Variants in FRK observed in about 807,000 individuals in gnomAD.
FRK encodes the protein fyn related Src family tyrosine kinase.
In FRK, 51 loss-of-function variants were observed where a neutral mutation model predicts 56.4. The ratio of observed to expected loss-of-function variants is 0.90; its 90% CI spans 0.72 to 1.14. FRK has a LOEUF of 1.14. Ranked by LOEUF, FRK falls within the 50% of genes most tolerant of loss-of-function variation. The probability of loss-of-function intolerance (pLI) is 0.00; values close to 1 mark genes in which losing one functional copy is unlikely to be tolerated. For synonymous variants in FRK, 245 were observed against 217.9 expected, an observed-to-expected ratio of 1.12 and a Z score of -1.10; for missense variants, 570 against 601.4, an observed-to-expected ratio of 0.95 and a Z score of 0.55.
intron 1 of FRK, among the ~76,000 whole-genome samples, chr6:116,012,484 G>A (rs1371890575): frequency 2.6e-5 from 4 of 152,274 alleles, no homozygotes; most frequent in Non-Finnish European, 4.4e-5. Context: ...AAAAGCTAGC[G>A]ATGCATTTTA....
intron 1 of FRK, among the ~76,000 whole-genome samples, chr6:116,042,090 G>A (rs1283854982): frequency 6.6e-6 from 1 of 152,210 alleles, no homozygotes. Flanking sequence ...ACTGAGGCTT[G>A]AGTAGGCGGT....
intron 2 of FRK, among the ~76,000 whole-genome samples, chr6:115,993,226 G>A (rs1360151663): frequency 6.6e-6 from 1 of 151,762 alleles, no homozygotes; most frequent in African/African-American, 2.4e-5. Context: ...GTAATTTTAG[G>A]TGGAAGTATG....
chr6:116,015,147 C>A (rs917447689), intron 1 of FRK, among the ~76,000 whole-genome samples: 1 of 152,140 alleles, frequency 6.6e-6, no homozygotes, highest in African/African-American at 2.4e-5. Context: ...CCACCCAAAT[C>A]TCTCTCTAAT....
intron 1 of FRK, among the ~76,000 whole-genome samples, chr6:116,008,305 A>G (rs1025159337): frequency 1.3e-5 from 2 of 152,192 alleles, no homozygotes; most frequent in Admixed American, 6.5e-5. Context: ...GGACTTTTGT[A>G]TAATAGATTG....
In FRK at chr6:115,944,289, A is replaced by G. The variant is rs1433166904; in HGVS notation, c.1095T>C (p.His365=). The change falls in exon 6 of 8, where the codon CAT becomes CAC. Residue 365 remains histidine, a synonymous_variant. Coordinates refer to ENST00000606080, the MANE Select transcript of FRK (RefSeq NM_002031.3). The part of the protein sequence containing the change: ...LAARNVLVGE[H]NIYKVADFGL... ...CAAAATCTGCTACTTTGTAGATATT[A>G]TGTTCACCAACGAGGACATTTCTGG... 1.2e-6 allele frequency: 2 copies of G among 1,612,778 alleles called. No homozygotes were observed. The highest frequency in any genetic ancestry group is 1.7e-5 in the Admixed American group (1 of 59,848).
intron 4 of FRK, among the ~76,000 whole-genome samples, chr6:115,957,556 C>G (rs1773051608): frequency 6.6e-6 from 1 of 152,198 alleles, no homozygotes; most frequent in Admixed American, 6.5e-5. Flanking sequence ...CATTCATCAT[C>G]CTCTCGATGT....
At chr6:116,038,991 C>T in intron 1 of FRK, 1 of 718,658 alleles carries the variant, frequency 1.4e-6, no homozygotes, top group South Asian at 1.4e-5. Flanking sequence ...GGAGATCAGC[C>T]CTGGCATGAT....
chr6:115,998,033 G>T (rs1347174241), intron 2 of FRK, among the ~76,000 whole-genome samples: 5 of 152,176 alleles, frequency 3.3e-5, no homozygotes, highest in African/African-American at 1.2e-4. Flanking sequence ...CCCAGTCCTT[G>T]GGCGACTCCC....
intron 1 of FRK, among the ~76,000 whole-genome samples, chr6:116,026,560 AAGG>A (rs1776098522): frequency 2.0e-5 from 3 of 150,304 alleles, no homozygotes; most frequent in East Asian, 3.9e-4. Context: ...GGAAGGAAGG[AAGG>A]AAGGAAGGAA....
chr6:115,992,003 C>T (rs1337332320), intron 2 of FRK, among the ~76,000 whole-genome samples: 3 of 151,426 alleles, frequency 2.0e-5, no homozygotes, highest in Admixed American at 2.0e-4. Context: ...TTTTATTTCC[C>T]AGTCATAATG....
At chr6:116,086,690 A>C in the FRK span, among the ~76,000 whole-genome samples, 1 of 152,236 alleles carries the variant, frequency 6.6e-6, no homozygotes, top group African/African-American at 2.4e-5. Flanking sequence ...TGGGATTCAG[A>C]GTTTCAGTGA....
At chr6:115,993,442 C>A (rs573826890) in intron 2 of FRK, among the ~76,000 whole-genome samples, 3 of 151,212 alleles carry the variant, frequency 2.0e-5, no homozygotes, top group Non-Finnish European at 4.4e-5. Context: ...TTTCATTTTT[C>A]CTTGATATTA....
At chr6:116,021,282 A>G (rs761030725) in intron 1 of FRK, among the ~76,000 whole-genome samples, 4 of 152,078 alleles carry the variant, frequency 2.6e-5, no homozygotes, top group Non-Finnish European at 5.9e-5. Flanking sequence ...GTCACAAAAT[A>G]TAAGCTTCCT....
rs1024216961 is a variant in FRK at position 115,940,373 on chromosome 6, A to G, written c.*2041T>C. The G allele has an allele frequency of 1.2e-4, 19 of 152,362 alleles. No homozygotes were observed. Among genetic ancestry groups the G allele is most frequent in the African/African-American group, 4.1e-4 (17 of 41,584 alleles). The allele number at this position is 152,362 out of a possible 1,614,324, so 9.4% of individuals were successfully genotyped here. A position where few individuals can be genotyped will look rare whatever the true frequency, so the allele number is the denominator to read the frequency against. On this transcript the variant is annotated 3_prime_UTR_variant, in exon 8 of 8. Transcript: ENST00000606080. ...AAATGTAAGACCTAAAACCATAAAA[A>G]CCCTAGAAGAAAACCTAGGCAACAC...
intron 1 of FRK, chr6:116,038,761 G>C: frequency 2.1e-6 from 1 of 487,734 alleles, no homozygotes; most frequent in Non-Finnish European, 4.2e-6. Flanking sequence ...GCGCCATGGC[G>C]ACCTCCAGGA....
chr6:115,952,222 C>T (rs1291794259), intron 5 of FRK, among the ~76,000 whole-genome samples: 8 of 152,076 alleles, frequency 5.3e-5, no homozygotes, highest in Admixed American at 2.0e-4. Flanking sequence ...CTTTTGTTGC[C>T]ATTGCTTTTG....
At chr6:116,066,727 C>G in the FRK span, among the ~76,000 whole-genome samples, 1 of 152,210 alleles carries the variant, frequency 6.6e-6, no homozygotes, top group Non-Finnish European at 1.5e-5. Context: ...TTCACCACGG[C>G]AACAGCCAAG....
intron 2 of FRK, among the ~76,000 whole-genome samples, chr6:115,989,563 G>C (rs1438699900): frequency 6.6e-6 from 1 of 151,822 alleles, no homozygotes; most frequent in Non-Finnish European, 1.5e-5. Flanking sequence ...CTGTTTTTGA[G>C]TTATTTCACT....
chr6:116,075,814 G>C, the FRK span, among the ~76,000 whole-genome samples: 4 of 152,152 alleles, frequency 2.6e-5, no homozygotes, highest in Non-Finnish European at 5.9e-5. Context: ...CTCAAAGAAG[G>C]CTGTTAAGGC....
Sources: gnomAD v4.1 joint callset for allele counts (sites outside exome capture counted in the v4.1 genomes callset) on GRCh38, gnomAD v4.1.1 for gene constraint, MANE v1.5 for transcripts, NCBI Gene and HGNC (gene_info 2026-07-23, HGNC 2026-07-21) for gene names.